Variants in POPDC1 observed in about 807,000 individuals in gnomAD.
POPDC1 encodes the protein popeye domain-containing protein 1.
chr6:105,103,587 C>T, the POPDC1 span, among the ~76,000 whole-genome samples: 1 of 151,924 alleles, frequency 6.6e-6, no homozygotes, highest in Non-Finnish European at 1.5e-5. Flanking sequence ...TCAGAACAAA[C>T]AATAAGATGG....
chr6:105,100,633 A>C, the POPDC1 span: 1 of 150,740 alleles, frequency 6.6e-6, no homozygotes, highest in African/African-American at 2.5e-5. Flanking sequence ...AAAGTTTGAG[A>C]TTCCCTGCTT....
At chr6:105,109,252 C>T in the POPDC1 span, among the ~76,000 whole-genome samples, 2 of 151,736 alleles carry the variant, frequency 1.3e-5, no homozygotes, top group Admixed American at 1.3e-4. Context: ...GCCACTGGGC[C>T]CAGCCCTTAA....
chr6:105,127,631 G>C, the POPDC1 span, among the ~76,000 whole-genome samples: 2 of 151,892 alleles, frequency 1.3e-5, no homozygotes, highest in African/African-American at 4.8e-5. Flanking sequence ...GTAGAGACAG[G>C]GTCTATGTTG....
chr6:105,101,089 T>TC, the POPDC1 span: 1 of 1,608,212 alleles, frequency 6.2e-7, no homozygotes, highest in Non-Finnish European at 8.5e-7. Context: ...CTCTCTCTGA[T>TC]CAAGGCAGCT....
the POPDC1 span, among the ~76,000 whole-genome samples, chr6:105,130,200 C>T: frequency 6.6e-6 from 1 of 152,150 alleles, no homozygotes; most frequent in Non-Finnish European, 1.5e-5. Context: ...ACCTAGCACA[C>T]ATACAATTTT....
the POPDC1 span, among the ~76,000 whole-genome samples, chr6:105,134,446 C>T: frequency 6.6e-6 from 1 of 152,062 alleles, no homozygotes; most frequent in Non-Finnish European, 1.5e-5. Flanking sequence ...TTATTAATTG[C>T]ACAAATTTGG....
At chr6:105,102,484 G>A in the POPDC1 span, among the ~76,000 whole-genome samples, 68 of 152,328 alleles carry the variant, frequency 4.5e-4, no homozygotes, top group African/African-American at 1.3e-3. Context: ...AGCCATGAAC[G>A]AGTGGTCATT....
the POPDC1 span, among the ~76,000 whole-genome samples, chr6:105,118,412 G>C: frequency 2.0e-5 from 3 of 152,140 alleles, no homozygotes; most frequent in Non-Finnish European, 4.4e-5. Context: ...AAAACCAAAC[G>C]TATTTGTTTT....
chr6:105,099,669 C>T, the POPDC1 span: 1 of 152,308 alleles, frequency 6.6e-6, no homozygotes, highest in East Asian at 1.9e-4. Context: ...AAGGCCCTCA[C>T]TGCAGTACCT....
the POPDC1 span, chr6:105,133,273 T>C: frequency 4.1e-6 from 5 of 1,228,470 alleles, no homozygotes; most frequent in Non-Finnish European, 5.7e-6. Context: ...TGACAAAGAA[T>C]ACTCTGAAGC....
At chr6:105,108,484 G>A in the POPDC1 span, among the ~76,000 whole-genome samples, 1 of 152,154 alleles carries the variant, frequency 6.6e-6, no homozygotes, top group Non-Finnish European at 1.5e-5. Flanking sequence ...ACCACTCAGA[G>A]ACTTGAAGAA....
At chr6:105,120,292 A>AC in the POPDC1 span, among the ~76,000 whole-genome samples, 2 of 1,158 alleles carry the variant, frequency 1.7e-3, 1 homozygote, top group African/African-American at 2.2e-3. Context: ...AAAAAAAAAA[A>AC]AAAAAAAAAA....
At chr6:105,120,445 A>AT in the POPDC1 span, among the ~76,000 whole-genome samples, 3 of 152,254 alleles carry the variant, frequency 2.0e-5, no homozygotes, top group African/African-American at 7.2e-5. Context: ...TTTTATGAGA[A>AT]TATCTTATAA....
chr6:105,129,509 G>C, the POPDC1 span: 1 of 1,601,718 alleles, frequency 6.2e-7, no homozygotes, highest in Non-Finnish European at 8.5e-7. Flanking sequence ...ACATCCTGTT[G>C]AAGAGCAAAG....
chr6:105,129,462 C>T, the POPDC1 span: 1 of 1,612,752 alleles, frequency 6.2e-7, no homozygotes, highest in Non-Finnish European at 8.5e-7. Flanking sequence ...ATATCCAAGG[C>T]ACATCGGTAG....
the POPDC1 span, among the ~76,000 whole-genome samples, chr6:105,109,201 G>T: frequency 6.6e-6 from 1 of 152,078 alleles, no homozygotes; most frequent in African/African-American, 2.4e-5. Context: ...TAAGTGATTT[G>T]CCCGCCTTGG....
chr6:105,135,326 C>G, the POPDC1 span, among the ~76,000 whole-genome samples: 2 of 152,116 alleles, frequency 1.3e-5, no homozygotes, highest in Admixed American at 1.3e-4. Context: ...AGTGCCTAGC[C>G]TTCCTGAGGT....
At chr6:105,115,186 A>G in the POPDC1 span, among the ~76,000 whole-genome samples, 173 of 152,364 alleles carry the variant, frequency 1.1e-3, 2 homozygotes, top group Middle Eastern at 6.8e-3. Context: ...TCCCAGGTTC[A>G]CGCCATTCTC....
chr6:105,106,846 T>G, the POPDC1 span, among the ~76,000 whole-genome samples: 1 of 152,160 alleles, frequency 6.6e-6, no homozygotes, highest in Non-Finnish European at 1.5e-5. Context: ...GATGTATATA[T>G]TTATGAGTTA....
Sources: gnomAD v4.1 joint callset for allele counts (sites outside exome capture counted in the v4.1 genomes callset) on GRCh38, gnomAD v4.1.1 for gene constraint, MANE v1.5 for transcripts, NCBI Gene and HGNC (gene_info 2026-07-23, HGNC 2026-07-21) for gene names.